Variants in TMPRSS6 observed in about 807,000 individuals in gnomAD.
TMPRSS6 encodes transmembrane serine protease 6.
In TMPRSS6, 67 loss-of-function variants were observed where a neutral mutation model predicts 101.5. The observed-to-expected ratio is 0.66, with a 90% confidence interval of 0.54 to 0.81. The LOEUF (loss-of-function observed/expected upper bound fraction) is 0.81, where lower values mean the gene tolerates loss of function less well. Ranked by LOEUF, TMPRSS6 falls within the 30% of genes least tolerant of loss-of-function variation. The pLI is 0.00. For synonymous variants in TMPRSS6, 453 were observed against 464.9 expected (o/e 0.97, Z 0.33); for missense variants, 1,034 against 1,088.7 (o/e 0.95, Z 0.71).
At chr22:37,088,923 G>C (rs1928997233) in intron 7 of TMPRSS6, among the ~76,000 whole-genome samples, 2 of 152,238 alleles carry the variant, frequency 1.3e-5, no homozygotes, top group South Asian at 4.1e-4. Context: ...ACTTGCCTTA[G>C]GGCACGCAGC....
At chr22:37,067,406 G>T (rs1926402875) in intron 16 of TMPRSS6, among the ~76,000 whole-genome samples, 1 of 152,178 alleles carries the variant, frequency 6.6e-6, no homozygotes, top group South Asian at 2.1e-4. Flanking sequence ...GGAGGAGGGG[G>T]ATCCGAGCCG....
chr22:37,067,067 C>A, intron 16 of TMPRSS6, 105 bp from the exon 17 acceptor site: 1 of 1,539,460 alleles, frequency 6.5e-7, no homozygotes, highest in Non-Finnish European at 8.8e-7. Context: ...TACTTCTCTC[C>A]TGCTCTGCCC....
intron 13 of TMPRSS6, among the ~76,000 whole-genome samples, chr22:37,071,926 ATGGATGATGGATGGG>A (rs1234044782): frequency 3.3e-5 from 5 of 151,748 alleles, no homozygotes; most frequent in East Asian, 1.9e-4. Context: ...AGATGGATGG[ATGGATGATGGATGGG>A]TGGATGATGG....
chr22:37,079,393 G>A (rs1243594305), intron 10 of TMPRSS6, among the ~76,000 whole-genome samples: 2 of 146,978 alleles, frequency 1.4e-5, no homozygotes, highest in Non-Finnish European at 1.5e-5. Context: ...CTGTCAGGAT[G>A]TACTGCCTGG....
chr22:37,084,760 G>T lies in TMPRSS6; in HGVS notation c.1053C>A (p.Tyr351Ter), dbSNP rs1264876447. Reference sequence around the variant, plus strand: ...GCCAGGAGCAGTGGGTTTGGGGCGAGTAGTAGCTGGGGAAGTACGGGGTGC... The same window carrying T: ...GCCAGGAGCAGTGGGTTTGGGGCGATTAGTAGCTGGGGAAGTACGGGGTGC... ...VLSTPYFPSY[Y>*]SPQTHCSWHL... The change falls in exon 9 of 18, where the codon TAC (tyrosine) becomes TAA (stop). Residue 351 changes from tyrosine to a stop codon, truncating the protein, a stop_gained. Transcript: ENST00000676104. LOFTEE classifies it high-confidence loss of function. 1.3e-6 allele frequency: 2 copies of T among 1,566,446 alleles called. No individual in the cohort carries two copies. Among genetic ancestry groups the T allele is most frequent in the Non-Finnish European group, 1.7e-6 (2 of 1,155,190 alleles).
chr22:37,073,639 C>T lies in TMPRSS6; in HGVS notation c.1448G>A (p.Arg483Lys), dbSNP rs1927348384. The T allele has an allele frequency of 1.2e-6, 2 of 1,612,910 alleles. No homozygotes were observed. The highest frequency in any genetic ancestry group is 1.7e-6 in the Non-Finnish European group (2 of 1,178,932). ...NGLDERNCVC[R>K]ATFQCKEDST... ...GTCCTCTTTGCACTGGAATGTGGCT[C>T]TGCAAACTGTGTGGGGACACAGAGA... Residue 483 changes from arginine to lysine, a missense_variant, in exon 13 of 18, where the codon AGA becomes AAA. Transcript: ENST00000676104.
At chr22:37,110,299 T>C (rs564775675), upstream of TMPRSS6, among the ~76,000 whole-genome samples, 101 of 151,814 alleles carry the variant, frequency 6.7e-4, 2 homozygotes, top group South Asian at 0.02. Context: ...CCCACCACCA[T>C]GCCCGGCTAA....
At position 37,093,384 on chromosome 22, in the gene TMPRSS6, C is replaced by CTTTTTTTTTTTT. The variant is rs67659825; in HGVS notation, c.631+2155_631+2166dup. Among the ~76,000 whole-genome samples the CTTTTTTTTTTTT allele has an allele frequency of 2.4e-3, 199 of 82,576 alleles. 1 individual carries two copies. Among genetic ancestry groups the CTTTTTTTTTTTT allele is most frequent in the African/African-American group, 3.2e-3 (61 of 19,082 alleles). The allele number at this position is 82,576 out of a possible 152,430, so 54.2% of individuals were successfully genotyped here. ...ACCTTTTCCTTTCCTTTCTTTCTTT[C>CTTTTTTTTTTTT]TTTTTTTTTTTTTTTTTTTTTTTTT... On this transcript the variant is annotated intron_variant, in intron 6 of 17. Transcript: ENST00000676104.
intron 6 of TMPRSS6, among the ~76,000 whole-genome samples, chr22:37,093,285 A>G (rs1339882859): frequency 6.6e-6 from 1 of 151,944 alleles, no homozygotes; most frequent in Non-Finnish European, 1.5e-5. Context: ...GAACATGGGG[A>G]CACAGAGGCA....
Position 37,074,641 on chromosome 22 carries a change from G to A in TMPRSS6, c.1410C>T (p.Asp470=), listed in dbSNP as rs151074901. ...TTCTCTCATCCAGGCCGTTGGGGCA[G>A]TCCTTGACCCCATCACAGGCAGGGA... is the stretch of plus-strand genomic sequence containing the variant. ...LCVPACDGVK[D]CPNGLDERNC... is the part of the protein sequence containing the mutation. Residue 470 remains aspartate (D), a synonymous_variant, in exon 12 of 18, where the codon GAC becomes GAT. Coordinates refer to ENST00000676104, the MANE Select transcript of TMPRSS6 (RefSeq NM_001374504.1). 8 of 1,614,104 alleles carry A rather than the reference G, an allele frequency of 5.0e-6. No homozygotes were observed. The highest frequency in any genetic ancestry group is 6.8e-6 in the Non-Finnish European group (8 of 1,180,042).
rs1007904600 is a variant in TMPRSS6 at position 37,096,660 on chromosome 22, A to G, written c.392T>C (p.Val131Ala). 6 of 1,564,154 alleles carry G rather than the reference A, an allele frequency of 3.8e-6. No homozygotes were observed. The African/African-American group carries it at 8.1e-5, about 21-fold the overall frequency. Residue 131 changes from valine to alanine, a missense_variant, in exon 4 of 18, where the codon GTC (valine) becomes GCC (alanine). Physicochemically the swap from Val to Ala is moderately conservative, Grantham distance 64. Coordinates refer to ENST00000676104, the MANE Select transcript of TMPRSS6 (RefSeq NM_001374504.1). The stretch of plus-strand genomic sequence containing the variant: ...AAGGACAACTCACCCAAAGGAATAG[A>G]CGGAGCTGGAGTTGTAGTAAGTTCC... Reference protein sequence around the residue: ...RLGTYYNSSSVYSFGEGPLTC... With the variant: ...RLGTYYNSSSAYSFGEGPLTC...
At chr22:37,107,778 TC>T (rs760105169) in intron 1 of TMPRSS6, among the ~76,000 whole-genome samples, 10 of 152,040 alleles carry the variant, frequency 6.6e-5, no homozygotes, top group Non-Finnish European at 1.2e-4. Context: ...CTCCTTTACC[TC>T]CTCCAAAGGG....
chr22:37,106,915 G>T (rs1485606835), intron 1 of TMPRSS6, among the ~76,000 whole-genome samples: 2 of 152,236 alleles, frequency 1.3e-5, no homozygotes, highest in Non-Finnish European at 2.9e-5. Context: ...GGCTAGTTAA[G>T]CTGCCCCCTC....
chr22:37,109,097 A>C (rs564169732), intron 1 of TMPRSS6, among the ~76,000 whole-genome samples: 8 of 152,228 alleles, frequency 5.3e-5, no homozygotes, highest in Non-Finnish European at 1.0e-4. Context: ...AAGTCAGTAC[A>C]TAGGTGCAAT....
intron 10 of TMPRSS6, among the ~76,000 whole-genome samples, chr22:37,079,005 G>GAAAGAAAGAAAGAAAGAAAGAA (rs1569006332): frequency 6.6e-6 from 1 of 151,472 alleles, no homozygotes; most frequent in Non-Finnish European, 1.5e-5. Context: ...AAGAAAGAAA[G>GAAAGAAAGAAAGAAAGAAAGAA]AAAGAAAGAA....
chr22:37,097,671 G>C (rs1357208391), intron 3 of TMPRSS6, among the ~76,000 whole-genome samples: 3 of 151,200 alleles, frequency 2.0e-5, no homozygotes, highest in Non-Finnish European at 4.4e-5. Context: ...CCACCGTCCT[G>C]TAACGGAGGG....
intron 10 of TMPRSS6, among the ~76,000 whole-genome samples, chr22:37,079,133 C>T (rs1928056723): frequency 6.6e-6 from 1 of 152,180 alleles, no homozygotes; most frequent in Non-Finnish European, 1.5e-5. Flanking sequence ...GTTTCTGCTG[C>T]AGAACTCTCT....
Position 37,065,961 on chromosome 22 carries a change from C to T in TMPRSS6, c.*119G>A. ...GGACGAGACAAGATGCCACCTCCTGCCACCACAGGGCCTGCTCTCTCCCCC... is the reference window on the plus strand; with the variant it reads ...GGACGAGACAAGATGCCACCTCCTGTCACCACAGGGCCTGCTCTCTCCCCC... On this transcript the variant is annotated 3_prime_UTR_variant, in exon 18 of 18. Transcript: ENST00000676104. 5 of 1,350,700 alleles carry T rather than the reference C, an allele frequency of 3.7e-6. No homozygotes were observed. The highest frequency in any genetic ancestry group is 3.6e-5 in the Admixed American group (2 of 55,640). The allele number at this position is 1,350,700 out of a possible 1,614,324, so 83.7% of individuals were successfully genotyped here. A position where few individuals can be genotyped will look rare whatever the true frequency, so the allele number is the denominator to read the frequency against.
At position 37,075,000 on chromosome 22, in the gene TMPRSS6, T is replaced by C. The variant is rs566684087; in HGVS notation, c.1342+135A>G. 3.7e-5 allele frequency: 52 copies of C among 1,412,442 alleles called. No homozygotes were observed. In the Admixed American group the frequency reaches 7.2e-4, roughly 19 times the overall value. The allele number at this position is 1,412,442 out of a possible 1,614,324, so 87.5% of individuals were successfully genotyped here. A position where few individuals can be genotyped will look rare whatever the true frequency, so the allele number is the denominator to read the frequency against. On this transcript the variant is annotated intron_variant, in intron 11 of 17. Coordinates refer to ENST00000676104, the MANE Select transcript of TMPRSS6 (RefSeq NM_001374504.1). ...AGCTGCATAAATTTGTGCAAGCACA[T>C]ACACACACACACACACTCTCTCTCT... is the stretch of plus-strand genomic sequence containing the variant.
Sources: allele counts gnomAD v4.1 joint callset (sites outside exome capture counted in the v4.1 genomes callset), GRCh38; gene constraint gnomAD v4.1.1; transcripts MANE v1.5; gene names NCBI Gene and HGNC (gene_info 2026-07-23, HGNC 2026-07-21).